The following TPRG1 variants were observed in gnomAD, a reference collection of about 807,000 sequenced individuals.
TPRG1 encodes the protein tumor protein p63-regulated gene 1 protein.
Under a neutral mutation model 29.3 loss-of-function variants are expected in TPRG1, and 29 were observed. That is an observed-to-expected ratio of 0.99 (90% CI 0.74 to 1.35). The LOEUF is 1.35. Ranked by LOEUF, TPRG1 falls within the 40% of genes most tolerant of loss-of-function variation. The pLI is 0.00. For missense variants in TPRG1, 327 were observed against 335.0 expected, an observed-to-expected ratio of 0.98 and a Z score of 0.19; for synonymous variants, 130 against 116.8, an observed-to-expected ratio of 1.11 and a Z score of -0.73.
At chr3:189,181,130 G>A (rs1390087107) in intron 1 of TPRG1, among the ~76,000 whole-genome samples, 1 of 152,174 alleles carries the variant, frequency 6.6e-6, no homozygotes, top group African/African-American at 2.4e-5. Flanking sequence ...GCACAAGGAT[G>A]GAGACCCTGG....
chr3:189,268,415 C>G (rs542494128), intron 4 of TPRG1, among the ~76,000 whole-genome samples: 2 of 152,256 alleles, frequency 1.3e-5, no homozygotes, highest in African/African-American at 4.8e-5. Context: ...ACCCAGGTGC[C>G]TGATTGGACA....
chr3:189,246,042 C>T (rs1741329519), intron 4 of TPRG1, among the ~76,000 whole-genome samples: 1 of 152,164 alleles, frequency 6.6e-6, no homozygotes, highest in South Asian at 2.1e-4. Context: ...ACCCAAATCT[C>T]ATCTTGAACT....
intron 5 of TPRG1, among the ~76,000 whole-genome samples, chr3:189,311,319 T>A (rs1722445003): frequency 6.6e-6 from 1 of 152,226 alleles, no homozygotes; most frequent in African/African-American, 2.4e-5. Flanking sequence ...TTTTTATGTT[T>A]ACTTTTATAT....
At chr3:189,168,993 G>A (rs1024414802), upstream of TPRG1, among the ~76,000 whole-genome samples, 4 of 152,156 alleles carry the variant, frequency 2.6e-5, no homozygotes. Context: ...TGAGTCCAGG[G>A]AGGAGACTAG....
intron 1 of TPRG1, among the ~76,000 whole-genome samples, chr3:189,186,585 C>CT (rs903186820): frequency 6.6e-6 from 1 of 152,026 alleles, no homozygotes; most frequent in Non-Finnish European, 1.5e-5. Flanking sequence ...TATTCCGGCT[C>CT]TTTTAGTCTT....
chr3:189,219,556 G>A, intron 3 of TPRG1: 1 of 1,211,840 alleles, frequency 8.3e-7, no homozygotes. Context: ...AAAACTATGT[G>A]TTTGCTTTTA....
rs544600016 is a variant in TPRG1, at chr3:189,256,626, T to C, written c.479+17717T>C. On this transcript the variant is annotated intron_variant, in intron 4 of 5. Coordinates refer to ENST00000345063, the MANE Select transcript of TPRG1 (RefSeq NM_198485.4). ...GGGGCATTAAAGTCTCCCACTATTA[T>C]TGTGTGGGAGTCTAAGTCTCTCTGT... is the stretch of plus-strand genomic sequence containing the variant. Among the ~76,000 whole-genome samples the C allele has an allele frequency of 5.3e-5, 8 of 152,266 alleles. No individual in the cohort carries two copies. The South Asian group carries it at 1.7e-3, about 32-fold the overall frequency.
intron 1 of TPRG1, among the ~76,000 whole-genome samples, chr3:189,117,567 C>T (rs1030681388): frequency 7.2e-5 from 11 of 152,302 alleles, no homozygotes; most frequent in African/African-American, 2.4e-4. Flanking sequence ...ACCCAAATCT[C>T]ATCTTGAGTT....
chr3:189,177,709 G>T (rs1484225252), intron 1 of TPRG1, among the ~76,000 whole-genome samples: 3 of 151,838 alleles, frequency 2.0e-5, no homozygotes, highest in Non-Finnish European at 2.9e-5. Flanking sequence ...TGGTGAGAGT[G>T]GTCCCATGCC....
At chr3:189,019,373 G>C (rs549626568) in intron 3 of TPRG1, among the ~76,000 whole-genome samples, 1 of 152,118 alleles carries the variant, frequency 6.6e-6, no homozygotes, top group African/African-American at 2.4e-5. Context: ...TGGGTTTGTC[G>C]TAGATAGCTC....
chr3:188,999,073 C>A (rs924091269), intron 1 of TPRG1, among the ~76,000 whole-genome samples: 1 of 152,096 alleles, frequency 6.6e-6, no homozygotes, highest in Non-Finnish European at 1.5e-5. Context: ...AAACATAAAT[C>A]TCTTTGGCTA....
intron 1 of TPRG1, among the ~76,000 whole-genome samples, chr3:189,180,892 C>A (rs1730126812): frequency 6.6e-6 from 1 of 152,212 alleles, no homozygotes; most frequent in Non-Finnish European, 1.5e-5. Flanking sequence ...CTCACCCCTG[C>A]AGCAGACTTC....
intron 4 of TPRG1, among the ~76,000 whole-genome samples, chr3:189,255,234 C>T (rs1305184655): frequency 1.3e-5 from 2 of 151,988 alleles, no homozygotes; most frequent in East Asian, 1.9e-4. Flanking sequence ...TAGCATGAAG[C>T]GGTGTTGAAT....
intron 4 of TPRG1, among the ~76,000 whole-genome samples, chr3:189,086,470 C>A (rs892363316): frequency 2.0e-5 from 3 of 152,154 alleles, no homozygotes; most frequent in African/African-American, 7.2e-5. Flanking sequence ...GCAATCCTCC[C>A]TCCTCAGCCT....
intron 4 of TPRG1, among the ~76,000 whole-genome samples, chr3:189,057,120 T>C (rs1715751712): frequency 6.6e-6 from 1 of 152,196 alleles, no homozygotes; most frequent in African/African-American, 2.4e-5. Flanking sequence ...TTGGGGAGTT[T>C]CTGGGAACAC....
At chr3:189,037,803 G>A (rs894845219) in intron 4 of TPRG1, among the ~76,000 whole-genome samples, 5 of 151,516 alleles carry the variant, frequency 3.3e-5, no homozygotes, top group Non-Finnish European at 7.4e-5. Flanking sequence ...TAGTAAATTA[G>A]TAAGATATAT....
At chr3:189,138,130 C>T (rs1724015846) in intron 3 of TPRG1, among the ~76,000 whole-genome samples, 1 of 151,994 alleles carries the variant, frequency 6.6e-6, no homozygotes, top group African/African-American at 2.4e-5. Flanking sequence ...GAGGAAGTGA[C>T]AATACTTCTG....
intron 2 of TPRG1, among the ~76,000 whole-genome samples, chr3:189,127,521 C>T (rs1028516192): frequency 1.3e-5 from 2 of 152,190 alleles, no homozygotes; most frequent in African/African-American, 4.8e-5. Context: ...TTTTGAAAGT[C>T]ACGTTTGCTT....
intron 4 of TPRG1, among the ~76,000 whole-genome samples, chr3:189,090,281 C>T (rs1186965462): frequency 6.6e-6 from 1 of 152,002 alleles, no homozygotes; most frequent in Non-Finnish European, 1.5e-5. Context: ...GGTGGATTGT[C>T]ATTTTTTGGA....
Sources: allele counts gnomAD v4.1 joint callset (sites outside exome capture counted in the v4.1 genomes callset), GRCh38; gene constraint gnomAD v4.1.1; transcripts MANE v1.5; gene names NCBI Gene and HGNC (gene_info 2026-07-23, HGNC 2026-07-21).